NFKB1: variants seen among roughly 807,000 people sequenced by gnomAD.
The protein encoded by NFKB1 is nuclear factor kappa B subunit 1.
NFKB1 carries 9 observed loss-of-function variants against 105.1 expected under a neutral mutation model. The observed-to-expected ratio is 0.09, with a 90% CI of 0.05 to 0.15. The LOEUF (loss-of-function observed/expected upper bound fraction) is 0.15, where lower values mean the gene tolerates loss of function less well. NFKB1 is among the 10% of genes least tolerant of loss of function. NFKB1 has a pLI of 1.00. For synonymous variants in NFKB1, 440 were observed against 442.2 expected, an observed-to-expected ratio of 1.00 and a Z score of 0.06; for missense variants, 830 against 1,203.7, an observed-to-expected ratio of 0.69 and a Z score of 4.59.
chr4:102,544,294 T>C (rs976130185), intron 5 of NFKB1, among the ~76,000 whole-genome samples: 4 of 152,178 alleles, frequency 2.6e-5, no homozygotes, highest in Admixed American at 6.6e-5. Flanking sequence ...TATTCTTGCA[T>C]TTTTAATCAA....
chr4:102,510,891 C>T (rs749827997), intron 1 of NFKB1: 6 of 1,265,410 alleles, frequency 4.7e-6, no homozygotes, highest in East Asian at 5.6e-5. Context: ...AGGAACACAA[C>T]GTCCTACATC....
chr4:102,544,688 T>C (rs952045492), intron 5 of NFKB1, among the ~76,000 whole-genome samples: 26 of 152,186 alleles, frequency 1.7e-4, no homozygotes, highest in African/African-American at 5.1e-4. Context: ...TAAAATATTT[T>C]TTTAAATAGC....
At chr4:102,607,796 A>C in intron 19 of NFKB1, 45 bp downstream of exon 19, 1 of 1,555,068 alleles carries the variant, frequency 6.4e-7, no homozygotes, top group Non-Finnish European at 8.9e-7. Context: ...TGTTACCAGG[A>C]ATGCAAACCC....
chr4:102,536,293 C>G (rs986027303), intron 4 of NFKB1, among the ~76,000 whole-genome samples: 1 of 152,204 alleles, frequency 6.6e-6, no homozygotes, highest in African/African-American at 2.4e-5. Flanking sequence ...GAAACTTCAT[C>G]TCCAAAGGCT....
intron 5 of NFKB1, among the ~76,000 whole-genome samples, chr4:102,549,660 T>C (rs1722424024): frequency 6.6e-6 from 1 of 152,032 alleles, no homozygotes; most frequent in Admixed American, 6.6e-5. Flanking sequence ...GGATGTCTGG[T>C]AGACTTAACA....
intron 10 of NFKB1, among the ~76,000 whole-genome samples, chr4:102,584,172 C>CA (rs1244385292): frequency 6.6e-6 from 1 of 151,958 alleles, no homozygotes; most frequent in Non-Finnish European, 1.5e-5. Context: ...ATTACATAGT[C>CA]AAAAAATCAA....
intron 16 of NFKB1, among the ~76,000 whole-genome samples, chr4:102,604,716 A>G (rs547648151): frequency 1.3e-5 from 2 of 151,568 alleles, no homozygotes; most frequent in East Asian, 3.9e-4. Context: ...CTAACTTCCT[A>G]CCTCAGTAGA....
At chr4:102,589,459 AT>A (rs1725993097) in intron 11 of NFKB1, among the ~76,000 whole-genome samples, 1 of 151,816 alleles carries the variant, frequency 6.6e-6, no homozygotes, top group Non-Finnish European at 1.5e-5. Flanking sequence ...TTTTCTCAAA[AT>A]TTGGCAACCT....
At chr4:102,519,023 T>C (rs1402362379) in intron 1 of NFKB1, among the ~76,000 whole-genome samples, 1 of 152,146 alleles carries the variant, frequency 6.6e-6, no homozygotes, top group African/African-American at 2.4e-5. Context: ...TTTCCTCTTG[T>C]TGAGTGGCAT....
At chr4:102,552,729 T>C (rs1479561253) in intron 5 of NFKB1, among the ~76,000 whole-genome samples, 1 of 152,216 alleles carries the variant, frequency 6.6e-6, no homozygotes, top group East Asian at 1.9e-4. Flanking sequence ...TTGTGTTTAG[T>C]CAGTTTATAC....
At chr4:102,518,864 G>T (rs985825821) in intron 1 of NFKB1, among the ~76,000 whole-genome samples, 2 of 152,160 alleles carry the variant, frequency 1.3e-5, no homozygotes, top group Non-Finnish European at 1.5e-5. Context: ...GTGCAGGCTT[G>T]TTTGCATGGT....
intron 5 of NFKB1, among the ~76,000 whole-genome samples, chr4:102,553,642 T>G (rs1052160486): frequency 2.0e-5 from 3 of 152,196 alleles, no homozygotes; most frequent in Non-Finnish European, 4.4e-5. Flanking sequence ...AGTGTATCTT[T>G]GTTTGCGTGT....
chr4:102,528,840 G>A (rs897721259), intron 2 of NFKB1, among the ~76,000 whole-genome samples: 1 of 152,120 alleles, frequency 6.6e-6, no homozygotes, highest in Non-Finnish European at 1.5e-5. Context: ...CATACTTGGG[G>A]CTTAAAACAA....
intron 6 of NFKB1, among the ~76,000 whole-genome samples, chr4:102,570,888 C>T (rs960466768): frequency 2.6e-5 from 4 of 152,050 alleles, no homozygotes; most frequent in Admixed American, 6.6e-5. Flanking sequence ...GAATCAATAT[C>T]GTGAAAATGG....
At chr4:102,524,876 A>G (rs549044374) in intron 1 of NFKB1, among the ~76,000 whole-genome samples, 10 of 152,314 alleles carry the variant, frequency 6.6e-5, no homozygotes, top group Non-Finnish European at 7.3e-5. Flanking sequence ...CAGTAATGCA[A>G]GCGATGGGGA....
chr4:102,590,301 G>A (rs1449140858), intron 11 of NFKB1, among the ~76,000 whole-genome samples: 1 of 152,190 alleles, frequency 6.6e-6, no homozygotes, highest in Non-Finnish European at 1.5e-5. Context: ...TTTCTTGCCT[G>A]TAAGTTCATT....
At chr4:102,610,759 T>G (rs1728332487) in intron 20 of NFKB1, 60 bp downstream of exon 20, 1 of 1,582,656 alleles carries the variant, frequency 6.3e-7, no homozygotes, top group Non-Finnish European at 8.6e-7. Context: ...TTCAGGAATG[T>G]AAGAACAGAT....
At chr4:102,510,599 C>G (rs1213951818) in intron 1 of NFKB1, among the ~76,000 whole-genome samples, 1 of 152,144 alleles carries the variant, frequency 6.6e-6, no homozygotes, top group Non-Finnish European at 1.5e-5. Flanking sequence ...ATATGAGGAA[C>G]TGCCCATTTT....
intron 9 of NFKB1, among the ~76,000 whole-genome samples, chr4:102,582,358 C>T (rs1045244245): frequency 6.6e-6 from 1 of 152,130 alleles, no homozygotes; most frequent in Non-Finnish European, 1.5e-5. Context: ...TTCTCTTTTG[C>T]AAAGTGAGGA....
Sources: gnomAD v4.1 joint callset for allele counts (sites outside exome capture counted in the v4.1 genomes callset) on GRCh38, gnomAD v4.1.1 for gene constraint, MANE v1.5 for transcripts, NCBI Gene and HGNC (gene_info 2026-07-23, HGNC 2026-07-21) for gene names.